Variants in GALNT13 observed in about 807,000 individuals in gnomAD.
GALNT13 encodes the protein UDP-GalNAc:polypeptide N-acetylgalactosaminyltransferase 13.
GALNT13 carries 28 observed loss-of-function variants against 64.2 expected under a neutral mutation model. The ratio of observed to expected loss-of-function variants is 0.44; its 90% CI spans 0.32 to 0.60. The LOEUF (loss-of-function observed/expected upper bound fraction) is 0.60. Ranked by LOEUF, GALNT13 falls within the 20% of genes least tolerant of loss-of-function variation. The pLI is 0.05. For missense variants in GALNT13, 577 were observed against 669.8 expected (o/e 0.86, Z 1.53); for synonymous variants, 214 against 224.6 (o/e 0.95, Z 0.42).
chr2:154,434,420 C>G (rs1700847556), intron 11 of GALNT13, among the ~76,000 whole-genome samples: 1 of 152,158 alleles, frequency 6.6e-6, no homozygotes, highest in Admixed American at 6.5e-5. Flanking sequence ...CCACCACACC[C>G]TGCTAATTTT....
At chr2:153,712,137 T>A in the GALNT13 span, among the ~76,000 whole-genome samples, 2,319 of 152,284 alleles carry the variant, frequency 0.015, 57 homozygotes, top group African/African-American at 0.053. Flanking sequence ...GTCATAAAAT[T>A]CCTGGAAAAA....
At chr2:153,539,610 T>C in the GALNT13 span, among the ~76,000 whole-genome samples, 2 of 151,824 alleles carry the variant, frequency 1.3e-5, no homozygotes, top group East Asian at 3.9e-4. Flanking sequence ...TTTCTACATA[T>C]GGCTAGCCAG....
At chr2:154,321,007 A>AG (rs1257390507) in intron 9 of GALNT13, among the ~76,000 whole-genome samples, 2 of 152,098 alleles carry the variant, frequency 1.3e-5, no homozygotes, top group Non-Finnish European at 2.9e-5. Context: ...CCTCAAATAT[A>AG]GGTGGGAAAG....
At chr2:153,654,696 T>C in the GALNT13 span, among the ~76,000 whole-genome samples, 3 of 152,154 alleles carry the variant, frequency 2.0e-5, no homozygotes, top group Non-Finnish European at 2.9e-5. Context: ...ATTTATATAG[T>C]ATTCACATGG....
chr2:153,564,712 T>C, the GALNT13 span, among the ~76,000 whole-genome samples: 484 of 152,016 alleles, frequency 3.2e-3, 1 homozygote, highest in African/African-American at 0.011. Flanking sequence ...CTTTGGAAAA[T>C]AATTCTTACA....
chr2:153,072,326 A>G, the GALNT13 span, among the ~76,000 whole-genome samples: 2 of 152,150 alleles, frequency 1.3e-5, no homozygotes, highest in Non-Finnish European at 2.9e-5. Context: ...CTCTGCAGAC[A>G]GCCTCTCCCA....
intron 4 of GALNT13, among the ~76,000 whole-genome samples, chr2:154,219,748 A>G (rs1332385323): frequency 6.6e-6 from 1 of 152,026 alleles, no homozygotes; most frequent in African/African-American, 2.4e-5. Context: ...TCTAGCCCTT[A>G]ATGTGCCATG....
chr2:154,312,921 C>T (rs1694126276), intron 9 of GALNT13, among the ~76,000 whole-genome samples: 2 of 151,890 alleles, frequency 1.3e-5, no homozygotes, highest in South Asian at 4.2e-4. Context: ...TTAAGTAAAT[C>T]TATTAATGTG....
intron 3 of GALNT13, among the ~76,000 whole-genome samples, chr2:154,085,035 A>G (rs1377137607): frequency 6.6e-6 from 1 of 151,934 alleles, no homozygotes; most frequent in East Asian, 1.9e-4. Flanking sequence ...TTCTGTAATG[A>G]ATATGACAGA....
intron 2 of GALNT13, among the ~76,000 whole-genome samples, chr2:153,906,532 T>G (rs1196112036): frequency 6.6e-5 from 10 of 151,882 alleles, no homozygotes; most frequent in Admixed American, 2.6e-4. Flanking sequence ...TGCTGAGAAT[T>G]ATGGTTTCCA....
At chr2:153,831,278 T>C in the GALNT13 span, among the ~76,000 whole-genome samples, 2 of 152,166 alleles carry the variant, frequency 1.3e-5, no homozygotes, top group African/African-American at 4.8e-5. Context: ...TTAGGAAAAG[T>C]GCCCTGCTCC....
the GALNT13 span, among the ~76,000 whole-genome samples, chr2:153,835,878 A>G: frequency 6.6e-6 from 1 of 152,054 alleles, no homozygotes; most frequent in Non-Finnish European, 1.5e-5. Flanking sequence ...TGGCCATTCT[A>G]AGATTGAATA....
intron 3 of GALNT13, among the ~76,000 whole-genome samples, chr2:154,062,992 T>TC (rs1275514447): frequency 6.6e-6 from 1 of 152,158 alleles, no homozygotes; most frequent in African/African-American, 2.4e-5. Flanking sequence ...TGAACAGGAT[T>TC]CCTAATTCAA....
chr2:153,555,131 C>G, the GALNT13 span, among the ~76,000 whole-genome samples: 1 of 151,890 alleles, frequency 6.6e-6, no homozygotes, highest in Non-Finnish European at 1.5e-5. Flanking sequence ...TTCATTGTCT[C>G]CCCCAGTAAT....
At chr2:154,173,412 A>T (rs1158860021) in intron 4 of GALNT13, among the ~76,000 whole-genome samples, 1 of 151,796 alleles carries the variant, frequency 6.6e-6, no homozygotes, top group East Asian at 1.9e-4. Context: ...TGAATTAAAG[A>T]CTTAAATCTA....
the GALNT13 span, among the ~76,000 whole-genome samples, chr2:153,110,286 T>C: frequency 2.6e-5 from 4 of 152,080 alleles, no homozygotes; most frequent in Non-Finnish European, 5.9e-5. Context: ...AGCTTAATAG[T>C]GGATATAGGA....
At chr2:153,571,581 G>T in the GALNT13 span, among the ~76,000 whole-genome samples, 1 of 151,852 alleles carries the variant, frequency 6.6e-6, no homozygotes, top group Admixed American at 6.6e-5. Context: ...ACTAGCTGTG[G>T]GTGTGCCATA....
At chr2:154,265,039 A>G (rs1276472169) in intron 8 of GALNT13, among the ~76,000 whole-genome samples, 1 of 151,528 alleles carries the variant, frequency 6.6e-6, no homozygotes, top group African/African-American at 2.4e-5. Context: ...AATAAAATAG[A>G]TGATATTTTA....
At chr2:154,023,242 A>T (rs1697668566) in intron 3 of GALNT13, among the ~76,000 whole-genome samples, 1 of 152,104 alleles carries the variant, frequency 6.6e-6, no homozygotes, top group Non-Finnish European at 1.5e-5. Flanking sequence ...ATTCCTGGGT[A>T]TCCTTGTTAA....
Sources: allele counts gnomAD v4.1 joint callset (sites outside exome capture counted in the v4.1 genomes callset), GRCh38; gene constraint gnomAD v4.1.1; transcripts MANE v1.5; gene names NCBI Gene and HGNC (gene_info 2026-07-23, HGNC 2026-07-21).